The following MON2 variants were observed in gnomAD, a reference collection of about 807,000 sequenced individuals.
MON2 encodes the protein protein MON2 homolog.
A neutral mutation model predicts 208.6 loss-of-function variants in MON2; 84 were observed. The observed-to-expected ratio is 0.40, with a 90% CI of 0.34 to 0.48. The LOEUF is 0.48. Among genes scored for constraint, MON2 ranks in the 20% least tolerant of loss-of-function variants. The probability of loss-of-function intolerance (pLI) is 0.59; values close to 1 mark genes in which losing one functional copy is unlikely to be tolerated. For missense variants in MON2, 1,611 were observed against 2,015.4 expected (o/e 0.80, Z 3.84); for synonymous variants, 660 against 694.0 (o/e 0.95, Z 0.77).
At chr12:62,533,376 CA>C (rs879635605) in intron 12 of MON2, among the ~76,000 whole-genome samples, 32 of 152,308 alleles carry the variant, frequency 2.1e-4, no homozygotes, top group Non-Finnish European at 4.1e-4. Flanking sequence ...ATTGCTACTA[CA>C]AAAGAGTGCT....
chr12:62,496,309 G>T (rs1436033560), intron 4 of MON2, among the ~76,000 whole-genome samples: 2 of 151,838 alleles, frequency 1.3e-5, no homozygotes, highest in Non-Finnish European at 2.9e-5. Flanking sequence ...GTTTTCATTT[G>T]ATCTACTAAA....
At chr12:62,513,685 G>A (rs948945994) in intron 8 of MON2, among the ~76,000 whole-genome samples, 2 of 148,728 alleles carry the variant, frequency 1.3e-5, no homozygotes, top group Non-Finnish European at 3.0e-5. Flanking sequence ...GGTGGCTCAC[G>A]CCTGTAATCC....
intron 4 of MON2, among the ~76,000 whole-genome samples, chr12:62,496,087 A>G (rs887358254): frequency 1.3e-5 from 2 of 152,226 alleles, no homozygotes; most frequent in African/African-American, 4.8e-5. Flanking sequence ...ATAAAGAAGT[A>G]CAGTATACTG....
At position 62,508,369 on chromosome 12, in the gene MON2, A is replaced by T. The variant is rs1302025795; in HGVS notation, c.873A>T (p.Gln291His). 6.2e-7 allele frequency: 1 copy of T among 1,613,890 alleles called. No homozygotes were observed. The highest frequency in any genetic ancestry group is 2.2e-5 in the East Asian group (1 of 44,870). The change falls in exon 8 of 35, where the codon CAA becomes CAT. Residue 291 changes from glutamine to histidine, a missense_variant. Physicochemically the swap from Gln to His is conservative, Grantham distance 24 (BLOSUM62 0). Coordinates refer to ENST00000393630, the MANE Select transcript of MON2 (RefSeq NM_015026.3). ...TTTCTCCAAATATAAAGTTCAGACA[A>T]GGTTCCAGCACCTCATCTTCTCCAG... Reference protein sequence around the residue: ...KLFSPNIKFRQGSSTSSSPAP... With the variant: ...KLFSPNIKFRHGSSTSSSPAP...
intron 2 of MON2, among the ~76,000 whole-genome samples, chr12:62,492,592 C>G (rs111360324): frequency 0.38 from 55,081 of 146,342 alleles, 10,564 homozygotes; most frequent in African/African-American, 0.43. Flanking sequence ...AGGATGGTCT[C>G]GATCTCCTGA....
Position 62,561,102 on chromosome 12 carries a change from G to A in MON2, c.4021G>A (p.Val1341Ile). ...GGAAGCTGTACTTACAGCTTTAGAT[G>A]TTCTCCAAAAGGTAATATAATTTTA... ...LQEAVLTALD[V>I]LQKAICVGPE... The change falls in exon 26 of 35, where the codon GTT becomes ATT. Residue 1341 changes from valine to isoleucine, a missense_variant. Transcript: ENST00000393630. The A allele has an allele frequency of 6.2e-7, 1 of 1,601,980 alleles. No homozygotes were observed. Among genetic ancestry groups the A allele is most frequent in the Non-Finnish European group, 8.5e-7 (1 of 1,175,618 alleles).
chr12:62,573,913 A>G (rs921422984), intron 30 of MON2, among the ~76,000 whole-genome samples: 2 of 152,196 alleles, frequency 1.3e-5, no homozygotes, highest in African/African-American at 2.4e-5. Flanking sequence ...TTATGGCTCT[A>G]CTTACCTTAA....
chr12:62,508,258 T>C (rs377752807), intron 7 of MON2, 28 bp from the exon 8 acceptor site: 340 of 1,563,028 alleles, frequency 2.2e-4, no homozygotes, highest in Middle Eastern at 1.4e-3. Context: ...GTTAATTATT[T>C]TTTTCTTTCT....
At chr12:62,526,204 T>G (rs975891678) in intron 11 of MON2, 102 bp downstream of exon 11, 6 of 1,088,974 alleles carry the variant, frequency 5.5e-6, no homozygotes, top group Non-Finnish European at 8.1e-6. Context: ...ACCCACTACT[T>G]CTAAGGTATT....
chr12:62,522,399 G>A (rs918187499), intron 8 of MON2, among the ~76,000 whole-genome samples: 3 of 152,170 alleles, frequency 2.0e-5, no homozygotes, highest in Admixed American at 2.0e-4. Flanking sequence ...CTACATGAAT[G>A]TGCTACCAGA....
At chr12:62,495,296 G>A in intron 4 of MON2, 149 bp downstream of exon 4, 1 of 670,422 alleles carries the variant, frequency 1.5e-6, no homozygotes, top group Admixed American at 3.3e-5. Flanking sequence ...ATAACTGTTG[G>A]TACCTTATTT....
chr12:62,503,971 C>T (rs929959407), intron 7 of MON2, among the ~76,000 whole-genome samples: 22 of 151,892 alleles, frequency 1.4e-4, no homozygotes, highest in Non-Finnish European at 2.9e-4. Context: ...CACACACACA[C>T]GTATATGTGT....
At chr12:62,502,117 G>T (rs1289310258) in intron 7 of MON2, among the ~76,000 whole-genome samples, 2 of 152,110 alleles carry the variant, frequency 1.3e-5, no homozygotes, top group African/African-American at 2.4e-5. Flanking sequence ...CTACTCGGGA[G>T]GCTGAGGCAG....
At chr12:62,496,525 GTGATAGGCAT>G (rs1263326813) in intron 4 of MON2, among the ~76,000 whole-genome samples, 2 of 152,116 alleles carry the variant, frequency 1.3e-5, no homozygotes, top group Non-Finnish European at 2.9e-5. Context: ...TTTAGTTAAG[GTGATAGGCAT>G]TGATTCTAAA....
intron 29 of MON2, among the ~76,000 whole-genome samples, chr12:62,568,494 A>C (rs1414925684): frequency 1.3e-5 from 2 of 151,842 alleles, no homozygotes; most frequent in East Asian, 1.9e-4. Context: ...GGGCACCACC[A>C]CCCCCAGCTG....
At chr12:62,521,069 G>C (rs113661803) in intron 8 of MON2, among the ~76,000 whole-genome samples, 1 of 151,458 alleles carries the variant, frequency 6.6e-6, no homozygotes, top group Middle Eastern at 3.4e-3. Context: ...GCAGTGGCGC[G>C]ATCTCGGCTC....
intron 8 of MON2, among the ~76,000 whole-genome samples, chr12:62,523,123 G>T (rs1341106400): frequency 6.6e-6 from 1 of 152,110 alleles, no homozygotes; most frequent in Non-Finnish European, 1.5e-5. Context: ...TTGTTGAAGG[G>T]CTTACTAATA....
chr12:62,561,042 C>T lies in MON2; in HGVS notation c.3961C>T (p.Pro1321Ser). 2 of 1,612,870 alleles carry T rather than the reference C, an allele frequency of 1.2e-6. No individual in the cohort carries two copies. Among genetic ancestry groups the T allele is most frequent in the East Asian group, 2.2e-5 (1 of 44,850 alleles). Residue 1321 changes from proline (P) to serine (S), a missense_variant, in exon 26 of 35, where the codon CCA becomes TCA. By Grantham distance (74) the Pro-to-Ser change is moderately conservative (BLOSUM62 -1). Coordinates refer to ENST00000393630, the MANE Select transcript of MON2 (RefSeq NM_015026.3). ...TTCAGATGCATCCCCTTTTATTCTT[C>T]CATCTTATACCGAAGCAGTTTTGAC... ...ISSDASPFIL[P>S]SYTEAVLTSL...
intron 8 of MON2, among the ~76,000 whole-genome samples, chr12:62,522,144 G>A (rs2072077600): frequency 1.3e-5 from 2 of 152,030 alleles, no homozygotes; most frequent in South Asian, 4.1e-4. Flanking sequence ...CCAAGACTGA[G>A]CCACTGTACT....
Sources: allele counts gnomAD v4.1 joint callset (sites outside exome capture counted in the v4.1 genomes callset), GRCh38; gene constraint gnomAD v4.1.1; transcripts MANE v1.5; gene names NCBI Gene and HGNC (gene_info 2026-07-23, HGNC 2026-07-21).